AGR3: variants seen among roughly 807,000 people sequenced by gnomAD.
AGR3 encodes anterior gradient protein 3.
Under a neutral mutation model 24.5 loss-of-function variants are expected in AGR3, and 37 were observed. The ratio of observed to expected loss-of-function variants is 1.51; its 90% CI spans 1.16 to 1.99. The LOEUF is 1.99. Ranked by LOEUF, AGR3 falls within the 30% of genes most tolerant of loss-of-function variation. The pLI is 0.00. For missense variants in AGR3, 228 were observed against 191.1 expected, an observed-to-expected ratio of 1.19 and a Z score of -1.14; for synonymous variants, 75 against 61.6, an observed-to-expected ratio of 1.22 and a Z score of -1.02.
Position 16,871,444 on chromosome 7 carries a change from C to T in AGR3, c.173+2336G>A, listed in dbSNP as rs180840059. On this transcript the variant is annotated intron_variant, in intron 3 of 7. Coordinates refer to ENST00000310398, the MANE Select transcript of AGR3 (RefSeq NM_176813.5). Reference sequence around the variant, plus strand: ...TATCTATATGATCTGTTAAAATTAACGGAGAGTGGAGGATACAAAATCAAC... The same window carrying T: ...TATCTATATGATCTGTTAAAATTAATGGAGAGTGGAGGATACAAAATCAAC... Among the ~76,000 whole-genome samples the T allele has an allele frequency of 9.9e-5, 15 of 152,038 alleles. 1 individual carries two copies. The highest frequency in any genetic ancestry group is 9.6e-4 in the East Asian group (5 of 5,186).
intron 2 of AGR3, 25 bp downstream of exon 2, chr7:16,878,485 A>G (rs1485303939): frequency 1.3e-6 from 2 of 1,589,246 alleles, no homozygotes; most frequent in Admixed American, 1.7e-5. Context: ...GACTGAGTTT[A>G]GAAAATAAAA....
chr7:16,863,368 A>C (rs956204970), intron 3 of AGR3, among the ~76,000 whole-genome samples: 1 of 152,178 alleles, frequency 6.6e-6, no homozygotes, highest in African/African-American at 2.4e-5. Context: ...CTATTTTCAC[A>C]TCCTTTCATT....
intron 3 of AGR3, among the ~76,000 whole-genome samples, chr7:16,872,788 G>A (rs1254489298): frequency 6.6e-6 from 1 of 152,020 alleles, no homozygotes; most frequent in Non-Finnish European, 1.5e-5. Context: ...TTTAAAATGG[G>A]CAAAAGATCT....
At chr7:16,866,058 T>C in intron 3 of AGR3, 2 of 623,442 alleles carry the variant, frequency 3.2e-6, no homozygotes, top group Non-Finnish European at 6.0e-6. Flanking sequence ...TTCAGACAGA[T>C]AGTCTTTTGA....
intron 3 of AGR3, among the ~76,000 whole-genome samples, chr7:16,870,921 A>G (rs181978735): frequency 6.6e-6 from 1 of 152,156 alleles, no homozygotes; most frequent in Non-Finnish European, 1.5e-5. Context: ...TTTAAAGAGT[A>G]TTGCAATAGA....
chr7:16,875,946 G>A (rs1305255465), intron 2 of AGR3, among the ~76,000 whole-genome samples: 2 of 152,140 alleles, frequency 1.3e-5, no homozygotes, highest in Non-Finnish European at 2.9e-5. Flanking sequence ...CGAGGCCTCT[G>A]CTGAATTTTC....
intron 1 of AGR3, among the ~76,000 whole-genome samples, chr7:16,880,972 G>C (rs1164830833): frequency 6.6e-6 from 1 of 152,136 alleles, no homozygotes; most frequent in African/African-American, 2.4e-5. Flanking sequence ...TGGAAATTGT[G>C]TGCAAAATTT....
At chr7:16,876,789 A>G (rs1781993176) in intron 2 of AGR3, among the ~76,000 whole-genome samples, 1 of 152,254 alleles carries the variant, frequency 6.6e-6, no homozygotes, top group East Asian at 1.9e-4. Context: ...CAAATGTAAT[A>G]TATTTTTTCA....
intron 3 of AGR3, 145 bp from the exon 4 acceptor site, chr7:16,862,807 C>T: frequency 1.8e-6 from 1 of 556,518 alleles, no homozygotes; most frequent in South Asian, 2.5e-5. Context: ...TAGTCAATAG[C>T]AGTGTTACTC....
chr7:16,873,641 GCATATGCTAATTACA>G, intron 3 of AGR3, 124 bp downstream of exon 3: 1 of 647,120 alleles, frequency 1.5e-6, no homozygotes, highest in Admixed American at 2.8e-5. Flanking sequence ...TTCAGGTGAT[GCATATGCTAATTACA>G]CTGATTTGAT....
chr7:16,861,918 GAAA>G, intron 5 of AGR3, 63 bp downstream of exon 5: 9 of 921,012 alleles, frequency 9.8e-6, no homozygotes, highest in Non-Finnish European at 1.4e-5. Flanking sequence ...AAAAAAAAAA[GAAA>G]AAAACGGATT....
At chr7:16,860,332 G>T (rs1338202086) in intron 7 of AGR3, 168 bp downstream of exon 7, 13 of 564,658 alleles carry the variant, frequency 2.3e-5, no homozygotes, top group East Asian at 1.2e-4. Flanking sequence ...AGATTCTGAG[G>T]TACCCCCAAA....
At chr7:16,861,830 G>C (rs71540774) in intron 5 of AGR3, among the ~76,000 whole-genome samples, 154 bp downstream of exon 5, 1 of 151,366 alleles carries the variant, frequency 6.6e-6, no homozygotes, top group Admixed American at 6.6e-5. Flanking sequence ...GAACCAGGGA[G>C]GCTGAGGTTG....
chr7:16,865,714 C>G, intron 3 of AGR3: 1 of 771,034 alleles, frequency 1.3e-6, no homozygotes, highest in Non-Finnish European at 2.4e-6. Context: ...TTAGTAGAAA[C>G]TCTTTGCAAA....
chr7:16,866,282 C>T, intron 3 of AGR3: 1 of 550,012 alleles, frequency 1.8e-6, no homozygotes. Context: ...TGGAAGATAT[C>T]TTTGGTCTAA....
At chr7:16,881,893 A>G (rs1011193596) in intron 1 of AGR3, 51 bp downstream of exon 1, 1 of 470,666 alleles carries the variant, frequency 2.1e-6, no homozygotes, top group Non-Finnish European at 4.4e-6. Flanking sequence ...TTATTTAAAT[A>G]TAGCAAAGCT....
chr7:16,860,472 C>T (rs754180445), intron 7 of AGR3, 28 bp downstream of exon 7: 1 of 1,546,156 alleles, frequency 6.5e-7, no homozygotes, highest in Non-Finnish European at 8.9e-7. Flanking sequence ...GCTATGACCA[C>T]TGTTTGAGAT....
At chr7:16,869,247 A>G (rs1214809260) in intron 3 of AGR3, among the ~76,000 whole-genome samples, 1 of 152,164 alleles carries the variant, frequency 6.6e-6, no homozygotes, top group African/African-American at 2.4e-5. Flanking sequence ...TATATTTATA[A>G]TTGTTATACC....
At chr7:16,877,704 C>A (rs920338880) in intron 2 of AGR3, among the ~76,000 whole-genome samples, 25 of 151,710 alleles carry the variant, frequency 1.6e-4, no homozygotes, top group East Asian at 1.2e-3. Flanking sequence ...TCTACTAAAA[C>A]TACAAAAAAT....
Sources: allele counts gnomAD v4.1 joint callset (sites outside exome capture counted in the v4.1 genomes callset), GRCh38; gene constraint gnomAD v4.1.1; transcripts MANE v1.5; gene names NCBI Gene and HGNC (gene_info 2026-07-23, HGNC 2026-07-21).